LARGE1: variants seen among roughly 807,000 people sequenced by gnomAD.
LARGE1 encodes xylosyl- and glucuronyltransferase LARGE1.
A neutral mutation model predicts 87.6 loss-of-function variants in LARGE1; 43 were observed. That is an observed-to-expected ratio of 0.49 (90% CI 0.38 to 0.63). LARGE1 has a LOEUF of 0.63. Among genes scored for constraint, LARGE1 ranks in the 30% least tolerant of loss-of-function variants. LARGE1 has a pLI of 0.00. For missense variants in LARGE1, 802 were observed against 1,000.2 expected (o/e 0.80, Z 2.67); for synonymous variants, 434 against 394.6 (o/e 1.10, Z -1.18).
At chr22:33,774,968 C>T (rs1271990867) in intron 1 of LARGE1, among the ~76,000 whole-genome samples, 1 of 152,100 alleles carries the variant, frequency 6.6e-6, no homozygotes, top group Non-Finnish European at 1.5e-5. Context: ...GTAATACAGG[C>T]TGGATAAATA....
intron 1 of LARGE1, among the ~76,000 whole-genome samples, chr22:33,915,012 A>AACACACACAC (rs71320998): frequency 1.4e-5 from 2 of 139,208 alleles, no homozygotes; most frequent in Non-Finnish European, 3.1e-5. Flanking sequence ...TACAAACACA[A>AACACACACAC]ACACACACAC....
intron 11 of LARGE1, among the ~76,000 whole-genome samples, chr22:33,204,025 A>T (rs1183638011): frequency 2.0e-5 from 3 of 152,198 alleles, no homozygotes; most frequent in East Asian, 3.8e-4. Flanking sequence ...ATCTTTCATT[A>T]ATATCTTTGG....
At chr22:33,740,569 T>C (rs1322242053) in intron 2 of LARGE1, among the ~76,000 whole-genome samples, 1 of 152,186 alleles carries the variant, frequency 6.6e-6, no homozygotes, top group African/African-American at 2.4e-5. Flanking sequence ...CGGACTCTAG[T>C]CCAGTATCAG....
At chr22:33,594,281 T>G (rs1476511045) in intron 5 of LARGE1, among the ~76,000 whole-genome samples, 1 of 152,176 alleles carries the variant, frequency 6.6e-6, no homozygotes, top group Non-Finnish European at 1.5e-5. Context: ...ACCCTGGGCC[T>G]TGCAGTATCT....
At chr22:33,365,801 G>A (rs1351162277) in intron 9 of LARGE1, among the ~76,000 whole-genome samples, 1 of 152,038 alleles carries the variant, frequency 6.6e-6, no homozygotes, top group African/African-American at 2.4e-5. Context: ...ATTTTTAGTA[G>A]AGATGGGGTT....
the LARGE1 span, among the ~76,000 whole-genome samples, chr22:33,138,161 G>A: frequency 6.6e-6 from 1 of 152,294 alleles, no homozygotes; most frequent in South Asian, 2.1e-4. Context: ...CCAAGACCGT[G>A]GGAATCTACC....
At chr22:33,825,479 T>TACA (rs549820632) in intron 1 of LARGE1, among the ~76,000 whole-genome samples, 141 of 151,874 alleles carry the variant, frequency 9.3e-4, no homozygotes, top group African/African-American at 3.2e-3. Context: ...TCAGGAAACT[T>TACA]ACGATCATGA....
chr22:33,654,398 C>A (rs2080903688), intron 2 of LARGE1, among the ~76,000 whole-genome samples: 1 of 152,210 alleles, frequency 6.6e-6, no homozygotes, highest in African/African-American at 2.4e-5. Flanking sequence ...TGCTCCGAGT[C>A]CCCTCTCAGC....
chr22:33,650,627 G>A lies in LARGE1; in HGVS notation c.148C>T (p.His50Tyr), dbSNP rs777535070. 1 of 1,603,486 alleles carries A rather than the reference G, an allele frequency of 6.2e-7. No homozygotes were observed. Among genetic ancestry groups the A allele is most frequent in the Non-Finnish European group, 8.5e-7 (1 of 1,179,954 alleles). ...CTGGAGGCCGTGTACCTGGGGCTGT[G>A]TGCCTGGGACTCCAGCGGTGACAGA... is the stretch of plus-strand genomic sequence containing the variant. The part of the protein sequence containing the change: ...VSLSPLESQA[H>Y]SPRYTASSQR... Residue 50 changes from histidine (H) to tyrosine (Y), a missense_variant, in exon 3 of 15, where the codon CAC becomes TAC. By Grantham distance (83) the His-to-Tyr change is moderately conservative. This residue lies in a region of LARGE1 where 177 missense variants were observed against 158.3 expected (regional missense o/e 1.12). Coordinates refer to ENST00000397394, the MANE Select transcript of LARGE1 (RefSeq NM_133642.5).
intron 5 of LARGE1, among the ~76,000 whole-genome samples, chr22:33,569,869 G>A (rs2148814386): frequency 6.6e-6 from 1 of 152,314 alleles, no homozygotes; most frequent in South Asian, 2.1e-4. Context: ...ATGTCTTTTT[G>A]ACTGTGGTAA....
At chr22:33,761,802 A>G (rs374865655) in intron 1 of LARGE1, among the ~76,000 whole-genome samples, 14 of 152,234 alleles carry the variant, frequency 9.2e-5, no homozygotes, top group African/African-American at 3.1e-4. Flanking sequence ...ACGCACACAC[A>G]CATACACACG....
chr22:33,331,596 C>T (rs891385819), intron 10 of LARGE1, among the ~76,000 whole-genome samples: 18 of 152,118 alleles, frequency 1.2e-4, no homozygotes, highest in East Asian at 1.2e-3. Flanking sequence ...TTAGTAGAGA[C>T]GGGGTTTCGC....
chr22:33,495,324 G>GCT (rs916870000), intron 6 of LARGE1, among the ~76,000 whole-genome samples: 6 of 152,034 alleles, frequency 3.9e-5, no homozygotes, highest in African/African-American at 1.5e-4. Flanking sequence ...GCTTATTTAC[G>GCT]CTCTCCCAAG....
intron 9 of LARGE1, among the ~76,000 whole-genome samples, chr22:33,356,917 G>A (rs1940946783): frequency 6.6e-6 from 1 of 152,194 alleles, no homozygotes; most frequent in Admixed American, 6.5e-5. Flanking sequence ...TACACTGTTG[G>A]TGGGAATGGA....
intron 7 of LARGE1, among the ~76,000 whole-genome samples, chr22:33,400,903 C>G (rs2065907056): frequency 6.6e-6 from 1 of 152,162 alleles, no homozygotes; most frequent in Non-Finnish European, 1.5e-5. Context: ...TTCGTGAGTG[C>G]CCCTTCTGTG....
intron 6 of LARGE1, among the ~76,000 whole-genome samples, chr22:33,514,886 AGGCTGTCAC>A (rs2071227321): frequency 1.3e-5 from 2 of 148,264 alleles, no homozygotes; most frequent in African/African-American, 5.3e-5. Flanking sequence ...AAGCTCACTG[AGGCTGTCAC>A]TGAGGCTGTC....
intron 11 of LARGE1, among the ~76,000 whole-genome samples, chr22:33,177,819 A>G (rs1922957288): frequency 6.6e-6 from 1 of 152,094 alleles, no homozygotes. Flanking sequence ...TGTAATTCCC[A>G]TGTGTCGAGG....
At chr22:33,848,577 C>T (rs543514494) in intron 1 of LARGE1, among the ~76,000 whole-genome samples, 1 of 152,206 alleles carries the variant, frequency 6.6e-6, no homozygotes, top group African/African-American at 2.4e-5. Context: ...GGAAGGAGGG[C>T]TCTTCCTGAA....
intron 2 of LARGE1, among the ~76,000 whole-genome samples, chr22:33,669,850 A>G (rs2081360637): frequency 6.6e-6 from 1 of 152,250 alleles, no homozygotes; most frequent in African/African-American, 2.4e-5. Context: ...CAATTTCTCA[A>G]CAGAGACATG....
Sources: gnomAD v4.1 joint callset for allele counts (sites outside exome capture counted in the v4.1 genomes callset) on GRCh38, gnomAD v4.1.1 for gene constraint, gnomAD v4.1.1 regional missense constraint, MANE v1.5 for transcripts, NCBI Gene and HGNC (gene_info 2026-07-23, HGNC 2026-07-21) for gene names.